The following PBX3 variants were observed in gnomAD, a reference collection of about 807,000 sequenced individuals.
The protein encoded by PBX3 is PBX homeobox 3.
In PBX3, 14 loss-of-function variants were observed where a neutral mutation model predicts 48.5. That is an observed-to-expected ratio of 0.29 (90% CI 0.19 to 0.45). The LOEUF is 0.45. Ranked by LOEUF, PBX3 falls within the 20% of genes least tolerant of loss-of-function variation. The probability of loss-of-function intolerance (pLI) is 1.00; values close to 1 mark genes in which losing one functional copy is unlikely to be tolerated. For missense variants in PBX3, 386 were observed against 546.7 expected (o/e 0.71, Z 2.93); for synonymous variants, 210 against 200.3 (o/e 1.05, Z -0.41).
At chr9:125,870,970 T>G (rs947844974) in intron 2 of PBX3, among the ~76,000 whole-genome samples, 15 of 152,230 alleles carry the variant, frequency 9.9e-5, no homozygotes, top group Middle Eastern at 3.4e-3. Context: ...CCTAGCAAAA[T>G]TGAAGGCATG....
In PBX3 at chr9:125,766,937, A is replaced by G. The variant is rs956547675; in HGVS notation, c.274+18314A>G. On this transcript the variant is annotated intron_variant, in intron 2 of 8. Coordinates refer to ENST00000373489, the MANE Select transcript of PBX3 (RefSeq NM_006195.6). ...AGCATGATTGGGAACAGAATACAGT[A>G]AGGTATCATTTATTTAATTGCTATA... is the stretch of plus-strand genomic sequence containing the variant. 2.0e-5 allele frequency among the ~76,000 whole-genome samples: 3 copies of G among 152,158 alleles called. No individual in the cohort carries two copies. In the East Asian group the frequency reaches 5.8e-4, roughly 29 times the overall value.
At chr9:125,793,148 C>G (rs543728153) in intron 2 of PBX3, among the ~76,000 whole-genome samples, 2 of 151,084 alleles carry the variant, frequency 1.3e-5, no homozygotes, top group South Asian at 2.1e-4. Flanking sequence ...GTCAGGAGAT[C>G]GAGACCATCC....
chr9:125,873,268 A>T (rs1230080749), intron 2 of PBX3, among the ~76,000 whole-genome samples: 2 of 152,194 alleles, frequency 1.3e-5, no homozygotes, highest in Admixed American at 1.3e-4. Flanking sequence ...GAGATTTATC[A>T]TATCCCTGTT....
At chr9:125,824,461 G>T (rs776483077) in intron 2 of PBX3, among the ~76,000 whole-genome samples, 1 of 152,150 alleles carries the variant, frequency 6.6e-6, no homozygotes, top group Non-Finnish European at 1.5e-5. Flanking sequence ...TTATGAGAAT[G>T]CATATTTAAT....
At chr9:125,955,700 C>T (rs939102981) in intron 5 of PBX3, among the ~76,000 whole-genome samples, 54 of 152,204 alleles carry the variant, frequency 3.5e-4, no homozygotes, top group Non-Finnish European at 1.8e-4. Flanking sequence ...TCAGAAGCCT[C>T]CTCTGATTTC....
At chr9:125,841,016 A>G (rs1839275164) in intron 2 of PBX3, among the ~76,000 whole-genome samples, 1 of 152,170 alleles carries the variant, frequency 6.6e-6, no homozygotes. Context: ...ATTGTTCTTT[A>G]GAAATTCTTA....
At chr9:125,899,162 C>T (rs952255324) in intron 2 of PBX3, among the ~76,000 whole-genome samples, 6 of 146,918 alleles carry the variant, frequency 4.1e-5, no homozygotes, top group Admixed American at 1.4e-4. Context: ...TTTGTTTTCT[C>T]CCTTATTGTG....
chr9:125,822,233 T>C (rs1372303568), intron 2 of PBX3, among the ~76,000 whole-genome samples: 1 of 152,168 alleles, frequency 6.6e-6, no homozygotes, highest in Non-Finnish European at 1.5e-5. Flanking sequence ...GACTCAAATA[T>C]ATTGTTTCTT....
chr9:125,850,594 G>A (rs1839551443), intron 2 of PBX3, among the ~76,000 whole-genome samples: 1 of 151,992 alleles, frequency 6.6e-6, no homozygotes, highest in Admixed American at 6.6e-5. Context: ...ATTGGTATAA[G>A]TATGAATTTA....
chr9:125,930,203 C>T (rs79642699), intron 4 of PBX3, among the ~76,000 whole-genome samples: 10,261 of 152,210 alleles, frequency 0.067, 1,082 homozygotes, highest in African/African-American at 0.23. Context: ...TAATGTTACA[C>T]GGGTTGTGCA....
chr9:125,949,912 A>C (rs893941137), intron 5 of PBX3, among the ~76,000 whole-genome samples: 7 of 152,160 alleles, frequency 4.6e-5, no homozygotes, highest in Non-Finnish European at 8.8e-5. Flanking sequence ...GTTGCCTGGG[A>C]GATGGCTCCA....
intron 6 of PBX3, 92 bp downstream of exon 6, chr9:125,960,941 GGA>G: frequency 2.2e-6 from 1 of 450,472 alleles, no homozygotes; most frequent in Non-Finnish European, 3.7e-6. Flanking sequence ...GCCATACTGA[GGA>G]CAGAGTGGAC....
chr9:125,780,023 G>A lies in PBX3; in HGVS notation c.274+31400G>A, dbSNP rs1228185693. On this transcript the variant is annotated intron_variant, in intron 2 of 8. Coordinates refer to ENST00000373489, the MANE Select transcript of PBX3 (RefSeq NM_006195.6). ...CCAGTAGGGGCAGCCGGGCAGAGGC[G>A]CCCCTCACCTCCCGGACGGGGCGGC... 2.0e-4 allele frequency among the ~76,000 whole-genome samples: 27 copies of A among 132,940 alleles called. No individual in the cohort carries two copies. The South Asian group carries it at 4.0e-3, about 19-fold the overall frequency. The allele number at this position is 132,940 out of a possible 152,430, so 87.2% of individuals were successfully genotyped here. A position where few individuals can be genotyped will look rare whatever the true frequency, so the allele number is the denominator to read the frequency against.
At chr9:125,774,858 G>A (rs1197984832) in intron 2 of PBX3, among the ~76,000 whole-genome samples, 2 of 151,446 alleles carry the variant, frequency 1.3e-5, no homozygotes, top group African/African-American at 2.4e-5. Flanking sequence ...CCACAGCCAT[G>A]TACAGGGTTC....
intron 2 of PBX3, among the ~76,000 whole-genome samples, chr9:125,881,911 G>A (rs1295386160): frequency 6.6e-6 from 1 of 151,846 alleles, no homozygotes. Context: ...TTTACTAAGG[G>A]CTGGGTGCAG....
At chr9:125,787,552 A>G (rs1048639874) in intron 2 of PBX3, among the ~76,000 whole-genome samples, 1 of 152,224 alleles carries the variant, frequency 6.6e-6, no homozygotes, top group Non-Finnish European at 1.5e-5. Context: ...AACATCGACT[A>G]CAACTTGAGT....
chr9:125,829,695 A>G (rs1465398350), intron 2 of PBX3, among the ~76,000 whole-genome samples: 1 of 152,184 alleles, frequency 6.6e-6, no homozygotes, highest in Non-Finnish European at 1.5e-5. Context: ...TGAGCAACAA[A>G]GCAGTAATAT....
At chr9:125,896,737 A>G (rs1162555627) in intron 2 of PBX3, among the ~76,000 whole-genome samples, 1 of 152,002 alleles carries the variant, frequency 6.6e-6, no homozygotes, top group Non-Finnish European at 1.5e-5. Flanking sequence ...ATTGCTGACA[A>G]GTTCTTCAAT....
At chr9:125,811,899 G>A (rs1280128368) in intron 2 of PBX3, among the ~76,000 whole-genome samples, 4 of 152,098 alleles carry the variant, frequency 2.6e-5, no homozygotes, top group Non-Finnish European at 5.9e-5. Context: ...TTCATATGTT[G>A]AAACCTCGTC....
Sources: gnomAD v4.1 joint callset for allele counts (sites outside exome capture counted in the v4.1 genomes callset) on GRCh38, gnomAD v4.1.1 for gene constraint, MANE v1.5 for transcripts, NCBI Gene and HGNC (gene_info 2026-07-23, HGNC 2026-07-21) for gene names.